The following HDAC9 variants were observed in gnomAD, a reference collection of about 807,000 sequenced individuals.
The protein encoded by HDAC9 is histone deacetylase 9.
Under a neutral mutation model 139.4 loss-of-function variants are expected in HDAC9, and 41 were observed. The ratio of observed to expected loss-of-function variants is 0.29; its 90% CI spans 0.23 to 0.38. The LOEUF is 0.38. Among genes scored for constraint, HDAC9 ranks in the 10% least tolerant of loss-of-function variants. HDAC9 has a pLI of 1.00. For synonymous variants in HDAC9, 517 were observed against 476.2 expected, an observed-to-expected ratio of 1.09 and a Z score of -1.12; for missense variants, 1,147 against 1,297.0, an observed-to-expected ratio of 0.88 and a Z score of 1.78.
chr7:18,921,796 C>T (rs902773971), intron 22 of HDAC9, among the ~76,000 whole-genome samples: 3 of 152,126 alleles, frequency 2.0e-5, no homozygotes, highest in South Asian at 2.1e-4. Flanking sequence ...TATTGCGGCA[C>T]TATTCACAAT....
At chr7:18,226,634 C>G (rs1451267468) in intron 2 of HDAC9, among the ~76,000 whole-genome samples, 1 of 152,110 alleles carries the variant, frequency 6.6e-6, no homozygotes, top group African/African-American at 2.4e-5. Context: ...GGAACATAGC[C>G]TAGCCTAGGG....
intron 23 of HDAC9, among the ~76,000 whole-genome samples, chr7:18,953,478 T>C (rs762574449): frequency 6.6e-6 from 1 of 152,108 alleles, no homozygotes; most frequent in Admixed American, 6.6e-5. Flanking sequence ...AGCTTCTCCA[T>C]GAAAAATTAG....
At position 18,563,423 on chromosome 7, in the gene HDAC9, TTTG is replaced by T. The variant is rs370978949; in HGVS notation, c.23-21855_23-21853del. 9.7e-3 allele frequency among the ~76,000 whole-genome samples: 1,472 copies of T among 152,272 alleles called. 30 individuals carry two copies. The highest frequency in any genetic ancestry group is 0.033 in the African/African-American group (1,390 of 41,560). On this transcript the variant is annotated intron_variant, in intron 2 of 25. Transcript: ENST00000686413. ...GCTCCAGTTATTCAATGGTTATGTT[TTTG>T]TTATCTTCTTTTGTTGTTATTGTTA...
At position 19,001,837 on chromosome 7, in the gene HDAC9, C is replaced by A. The variant is rs181584204; in HGVS notation, c.*5775C>A. On this transcript the variant is annotated 3_prime_UTR_variant, in exon 26 of 26. Transcript: ENST00000686413. ...ATCTGTGTCATTTGAAAGCAAATAT[C>A]CTGATATTTTTAAATAAGGTGAGCA... 1.3e-5 allele frequency: 2 copies of A among 152,070 alleles called. No individual in the cohort carries two copies. Among genetic ancestry groups the A allele is most frequent in the East Asian group, 1.9e-4 (1 of 5,174 alleles). The allele number at this position is 152,070 out of a possible 1,614,324, so 9.4% of individuals were successfully genotyped here. A position where few individuals can be genotyped will look rare whatever the true frequency, so the allele number is the denominator to read the frequency against.
intron 2 of HDAC9, among the ~76,000 whole-genome samples, chr7:18,581,510 T>G (rs1024960107): frequency 1.3e-5 from 2 of 152,100 alleles, no homozygotes; most frequent in Non-Finnish European, 2.9e-5. Flanking sequence ...AAAAAGCTTT[T>G]TTAGAGGTTT....
intron 6 of HDAC9, among the ~76,000 whole-genome samples, chr7:18,610,783 A>C (rs1460465198): frequency 3.3e-5 from 5 of 150,882 alleles, no homozygotes; most frequent in Non-Finnish European, 5.9e-5. Flanking sequence ...CCAATCCTCT[A>C]TGTTTTCTGC....
intron 1 of HDAC9, among the ~76,000 whole-genome samples, chr7:18,098,942 C>T (rs1418354961): frequency 2.0e-5 from 3 of 152,116 alleles, no homozygotes; most frequent in Non-Finnish European, 2.9e-5. Flanking sequence ...CCCAATTTTT[C>T]CCCATAAACA....
chr7:18,148,000 G>T (rs1786476724), intron 1 of HDAC9, among the ~76,000 whole-genome samples: 1 of 152,022 alleles, frequency 6.6e-6, no homozygotes, highest in Admixed American at 6.6e-5. Flanking sequence ...TCCTGTTGAT[G>T]GACATCTAGA....
chr7:18,731,231 G>T (rs1786014396), intron 13 of HDAC9, among the ~76,000 whole-genome samples: 1 of 152,014 alleles, frequency 6.6e-6, no homozygotes, highest in African/African-American at 2.4e-5. Context: ...GGAGGGGAGA[G>T]GCTATTTGTA....
chr7:18,257,516 T>G (rs1472797455), intron 2 of HDAC9, among the ~76,000 whole-genome samples: 1 of 152,084 alleles, frequency 6.6e-6, no homozygotes, highest in African/African-American at 2.4e-5. Context: ...CTATCCATTT[T>G]GTATAAATAA....
At chr7:18,768,606 A>G (rs1790024469) in intron 16 of HDAC9, among the ~76,000 whole-genome samples, 1 of 152,158 alleles carries the variant, frequency 6.6e-6, no homozygotes, top group Admixed American at 6.5e-5. Flanking sequence ...TTATTTTCTA[A>G]CATCTCAAAT....
chr7:18,357,934 A>G (rs1783451948), intron 1 of HDAC9, among the ~76,000 whole-genome samples: 1 of 152,196 alleles, frequency 6.6e-6, no homozygotes, highest in Non-Finnish European at 1.5e-5. Context: ...GGCAAAAGAA[A>G]AACAGCAACA....
At chr7:18,393,858 G>A (rs1044682969) in intron 1 of HDAC9, among the ~76,000 whole-genome samples, 2 of 152,188 alleles carry the variant, frequency 1.3e-5, no homozygotes, top group African/African-American at 2.4e-5. Flanking sequence ...CTGCTTAAAA[G>A]CCACGCACGG....
intron 6 of HDAC9, among the ~76,000 whole-genome samples, chr7:18,618,326 C>G (rs1246370574): frequency 6.6e-6 from 1 of 152,050 alleles, no homozygotes; most frequent in Non-Finnish European, 1.5e-5. Context: ...GTGGTAGAGT[C>G]AAGACTGGAA....
chr7:18,765,634 A>T (rs192441637), intron 15 of HDAC9, among the ~76,000 whole-genome samples: 238 of 152,276 alleles, frequency 1.6e-3, no homozygotes, highest in African/African-American at 5.5e-3. Flanking sequence ...ATGTTATCAT[A>T]TTATCTTCAT....
chr7:18,180,226 TACACACACACACACACACACACACACAC>T (rs67304424), intron 2 of HDAC9, among the ~76,000 whole-genome samples: 1 of 120,612 alleles, frequency 8.3e-6, no homozygotes, highest in Admixed American at 8.2e-5. Context: ...CCAAGACACA[TACACACACACACACACACACACACACAC>T]ACACACACAC....
At chr7:18,639,286 A>G (rs1040307269) in intron 8 of HDAC9, among the ~76,000 whole-genome samples, 7 of 150,602 alleles carry the variant, frequency 4.6e-5, no homozygotes, top group African/African-American at 1.2e-4. Context: ...GTGGTTTTAG[A>G]TAGCAGCAAA....
At chr7:18,789,439 A>G (rs1349137211) in intron 16 of HDAC9, among the ~76,000 whole-genome samples, 3 of 152,170 alleles carry the variant, frequency 2.0e-5, no homozygotes, top group African/African-American at 7.2e-5. Context: ...AGAATATAGT[A>G]GTTCTATTTT....
At chr7:18,231,824 A>G (rs1793480378) in intron 2 of HDAC9, among the ~76,000 whole-genome samples, 1 of 152,188 alleles carries the variant, frequency 6.6e-6, no homozygotes, top group Non-Finnish European at 1.5e-5. Flanking sequence ...TGTTAATTGA[A>G]GTACTACTCG....
Sources: allele counts gnomAD v4.1 joint callset (sites outside exome capture counted in the v4.1 genomes callset), GRCh38; gene constraint gnomAD v4.1.1; transcripts MANE v1.5; gene names NCBI Gene and HGNC (gene_info 2026-07-23, HGNC 2026-07-21).